STOX2: variants seen among roughly 807,000 people sequenced by gnomAD.
STOX2 encodes the protein storkhead box 2.
A neutral mutation model predicts 60.9 loss-of-function variants in STOX2; 28 were observed. The observed-to-expected ratio is 0.46, with a 90% CI of 0.34 to 0.63. The LOEUF is 0.63. STOX2 is among the 30% of genes least tolerant of loss of function. The pLI is 0.01. For synonymous variants in STOX2, 472 were observed against 463.9 expected (o/e 1.02, Z -0.22); for missense variants, 1,024 against 1,187.7 (o/e 0.86, Z 2.03).
In STOX2 at chr4:183,855,445, C is replaced by T. The variant is rs145071492; in HGVS notation, c.364+57390C>T. ...TGATTGCTTCAATACACTAAATGGG[C>T]CCCAGTGTCCTAGAAACGTTCATAT... On this transcript the variant is annotated intron_variant, in intron 1 of 2. Coordinates refer to the STOX2 transcript ENST00000513034. Among the ~76,000 whole-genome samples, 73 of 152,242 alleles carry T rather than the reference C, an allele frequency of 4.8e-4. No individual in the cohort carries two copies. In the East Asian group the frequency reaches 7.5e-3, roughly 16 times the overall value.
At chr4:183,839,017 G>GCA (rs1236393143) in intron 1 of STOX2, among the ~76,000 whole-genome samples, 19 of 145,518 alleles carry the variant, frequency 1.3e-4, no homozygotes, top group African/African-American at 5.4e-4. Context: ...ACGTGCACGC[G>GCA]CGCGCGCACA....
intron 1 of STOX2, among the ~76,000 whole-genome samples, chr4:183,892,718 T>C (rs1277849247): frequency 6.6e-6 from 1 of 152,202 alleles, no homozygotes; most frequent in African/African-American, 2.4e-5. Context: ...GACACTCTTC[T>C]CATAATCGAT....
intron 1 of STOX2, among the ~76,000 whole-genome samples, chr4:183,854,993 C>T (rs1443392055): frequency 1.3e-5 from 2 of 152,146 alleles, no homozygotes; most frequent in African/African-American, 4.8e-5. Flanking sequence ...TTTGTTCATT[C>T]TTTGCAACCC....
intron 1 of STOX2, among the ~76,000 whole-genome samples, chr4:183,854,445 AG>A (rs1230419076): frequency 2.0e-5 from 3 of 152,238 alleles, no homozygotes; most frequent in African/African-American, 7.2e-5. Context: ...TGTTTTAATC[AG>A]GGCTTATATT....
intron 1 of STOX2, among the ~76,000 whole-genome samples, chr4:183,814,476 G>T (rs1395576670): frequency 6.6e-6 from 1 of 152,234 alleles, no homozygotes; most frequent in Non-Finnish European, 1.5e-5. Context: ...TAGAGAGGTT[G>T]TGTAATCTTG....
intron 1 of STOX2, chr4:183,853,786 A>G (rs955963783): frequency 2.0e-5 from 3 of 152,348 alleles, no homozygotes; most frequent in African/African-American, 7.2e-5. Context: ...GATTATTACC[A>G]TCTGTACATT....
chr4:183,801,211 C>G (rs755724555), intron 1 of STOX2, among the ~76,000 whole-genome samples: 2 of 152,184 alleles, frequency 1.3e-5, no homozygotes, highest in Non-Finnish European at 2.9e-5. Context: ...TTCCAATTCA[C>G]TACTTAGAAA....
intron 1 of STOX2, among the ~76,000 whole-genome samples, chr4:183,938,479 G>A (rs183055340): frequency 6.6e-6 from 1 of 152,106 alleles, no homozygotes; most frequent in East Asian, 1.9e-4. Flanking sequence ...GACCAGCCTG[G>A]CCAACATGGT....
At chr4:183,822,679 A>C (rs1739329503) in intron 1 of STOX2, among the ~76,000 whole-genome samples, 1 of 152,232 alleles carries the variant, frequency 6.6e-6, no homozygotes, top group Non-Finnish European at 1.5e-5. Context: ...GAGCAGCTGC[A>C]AATGCAGATG....
At chr4:183,891,358 T>TTATATATATA (rs60300009) in intron 1 of STOX2, among the ~76,000 whole-genome samples, 2 of 85,154 alleles carry the variant, frequency 2.3e-5, no homozygotes, top group Non-Finnish European at 4.6e-5. Flanking sequence ...ATGATGGAAT[T>TTATATATATA]TATATATATA....
intron 1 of STOX2, among the ~76,000 whole-genome samples, chr4:183,834,632 A>T (rs904715078): frequency 3.9e-5 from 6 of 152,202 alleles, no homozygotes; most frequent in Admixed American, 3.9e-4. Context: ...CAGAATAGTC[A>T]TGAAGATCCG....
At position 184,011,444 on chromosome 4, in the gene STOX2, GCACA is replaced by G. The variant is rs1190345923; in HGVS notation, c.2585+26_2585+29del. 6.3e-7 allele frequency: 1 copy of G among 1,594,376 alleles called. No homozygotes were observed. The highest frequency in any genetic ancestry group is 1.4e-5 in the African/African-American group (1 of 74,016). ...CCACGGTAGGGAGAGGTGTCTCTGT[GCACA>G]CACATGCGCCTAGCGGGGCCTGGGG... On this transcript the variant is annotated intron_variant, in intron 3 of 3. Coordinates refer to ENST00000308497, the MANE Select transcript of STOX2 (RefSeq NM_020225.3). This position sits in a 1 kb window ranked among gnomAD's most constrained non-coding sequence, Gnocchi z 4.4.
intron 1 of STOX2, among the ~76,000 whole-genome samples, chr4:183,869,645 C>T (rs1251341112): frequency 1.3e-5 from 2 of 152,012 alleles, no homozygotes; most frequent in African/African-American, 4.8e-5. Flanking sequence ...CAGAATTTAC[C>T]TTTATTAATT....
intron 1 of STOX2, among the ~76,000 whole-genome samples, chr4:183,832,303 A>T (rs1277699716): frequency 1.3e-5 from 2 of 150,846 alleles, no homozygotes; most frequent in Non-Finnish European, 3.0e-5. Flanking sequence ...GAGCTCATTC[A>T]TTTCTATTTG....
Position 183,830,016 on chromosome 4 carries a change from G to A in STOX2, c.364+31961G>A, listed in dbSNP as rs142855164. ...GTATGAGTGATGGGGTAGAATCGGC[G>A]AATCCTTTAGATCTTTACTGCATTG... On this transcript the variant is annotated intron_variant, in intron 1 of 2. Transcript: ENST00000513034. Among the ~76,000 whole-genome samples, 394 of 152,280 alleles carry A rather than the reference G, an allele frequency of 2.6e-3. 9 individuals are homozygous for A. The highest frequency in any genetic ancestry group is 0.018 in the Admixed American group (272 of 15,298).
At chr4:183,835,392 T>G (rs1292954033) in intron 1 of STOX2, among the ~76,000 whole-genome samples, 1 of 151,592 alleles carries the variant, frequency 6.6e-6, no homozygotes, top group East Asian at 1.9e-4. Flanking sequence ...CCCGGCTAAT[T>G]TTTTTGTATT....
intron 1 of STOX2, among the ~76,000 whole-genome samples, chr4:183,847,219 G>A (rs1312794550): frequency 6.6e-6 from 1 of 152,124 alleles, no homozygotes. Flanking sequence ...TGCCATCTCA[G>A]GTCTATTCTG....
At chr4:183,996,538 G>T (rs1160633675) in intron 1 of STOX2, among the ~76,000 whole-genome samples, 3 of 152,160 alleles carry the variant, frequency 2.0e-5, no homozygotes, top group African/African-American at 7.2e-5. Flanking sequence ...TGGTCCGGTA[G>T]TTGGAAGAAT....
intron 1 of STOX2, among the ~76,000 whole-genome samples, chr4:183,857,926 G>T (rs1740340096): frequency 6.6e-6 from 1 of 152,212 alleles, no homozygotes; most frequent in South Asian, 2.1e-4. Flanking sequence ...CCCTACAGGA[G>T]TCAGTCATTC....
Sources: gnomAD v4.1 joint callset for allele counts (sites outside exome capture counted in the v4.1 genomes callset) on GRCh38, gnomAD v4.1.1 for gene constraint, Gnocchi (gnomAD v3.1) non-coding constraint, MANE v1.5 for transcripts, NCBI Gene and HGNC (gene_info 2026-07-23, HGNC 2026-07-21) for gene names.